The following ARX variants were observed in gnomAD, a reference collection of about 807,000 sequenced individuals.
ARX encodes the protein aristaless related homeobox.
Under a neutral mutation model 23.1 loss-of-function variants are expected in ARX, and 1 was observed. The ratio of observed to expected loss-of-function variants is 0.04; its 90% CI spans 0.02 to 0.21. The LOEUF is 0.21. Ranked by LOEUF, ARX falls within the 10% of genes least tolerant of loss-of-function variation. The pLI is 1.00. For missense variants in ARX, 380 were observed against 527.5 expected, an observed-to-expected ratio of 0.72 and a Z score of 2.74; for synonymous variants, 301 against 270.1, an observed-to-expected ratio of 1.11 and a Z score of -1.12.
In ARX at chrX:25,007,350, C is replaced by G. The variant is rs1380487514; in HGVS notation, c.1209G>C (p.Pro403=). 1 of 1,144,383 alleles carries G rather than the reference C, an allele frequency of 8.7e-7. No homozygotes were observed. Among genetic ancestry groups the G allele is most frequent in the Non-Finnish European group, 1.2e-6 (1 of 867,514 alleles). The allele number at this position is 1,144,383 out of a possible 1,213,427, so 94.3% of individuals were successfully genotyped here. ...GGCTGAGCGGGTGGGTGGCGGAGAG[C>G]GGCCCCGGGAAGGGCAGCCCAGGGG... is the stretch of plus-strand genomic sequence containing the variant. ...THPPGLPFPG[P]LSATHPLSPY... is the part of the protein sequence containing the mutation. Residue 403 remains proline (P), a synonymous_variant, in exon 4 of 5, where the codon CCG becomes CCC. Coordinates refer to ENST00000379044, the MANE Select transcript of ARX (RefSeq NM_139058.3).
Position 25,013,659 on chromosome X carries a change from TGCC to T in ARX, c.333_335del (p.Ala115del), listed in dbSNP as rs387906492. Reference sequence around the variant, plus strand: ...GACCCGCCGTGGCCGTGGCGGCCGCTGCCGCCGCCGCCGCCGCCGCCGCCGCCG... The same window carrying T: ...GACCCGCCGTGGCCGTGGCGGCCGCTGCCGCCGCCGCCGCCGCCGCCGCCG... On this transcript the variant is annotated inframe_deletion, in exon 2 of 5. Transcript: ENST00000379044. The T allele has an allele frequency of 9.2e-4, 696 of 760,402 alleles. No individual in the cohort carries two copies. Among genetic ancestry groups the T allele is most frequent in the Middle Eastern group, 2.9e-3 (4 of 1,359 alleles). The allele number at this position is 760,402 out of a possible 1,213,427, so 62.7% of individuals were successfully genotyped here.
Position 25,012,972 on chromosome X carries a change from C to T in ARX, c.1023G>A (p.Glu341=), listed in dbSNP as rs769831204. The T allele has an allele frequency of 2.5e-6, 3 of 1,204,815 alleles. No individual in the cohort carries two copies. Among genetic ancestry groups the T allele is most frequent in the Admixed American group, 2.2e-5 (1 of 45,635 alleles). The change falls in exon 2 of 5, where the codon GAG becomes GAA. Residue 341 remains glutamate (E), a synonymous_variant. Transcript: ENST00000379044. ...TCTTCTGGAAGGCCCGCTCCAGTTC[C>T]TCCAGCTGGTAGCTGGTGAACGTGG... ...YRTTFTSYQL[E]ELERAFQKTH... is the part of the protein sequence containing the mutation.
rs780812117 is a variant in ARX, at chrX:25,013,180, C to T, written c.815G>A (p.Gly272Asp). The change falls in exon 2 of 5, where the codon GGC becomes GAC. Residue 272 changes from glycine to aspartate, a missense_variant. This residue lies in a region of ARX where 235 missense variants were observed against 270.2 expected (regional missense o/e 0.87). Transcript: ENST00000379044. ...AGCGGCAGCTGCTGCGGCCACGGCG[C>T]CAGTGGCGGCCACAGGACAGCGCCG... ...EPRRCPVAAT[G>D]AVAAAAAAAV... 1 of 1,183,341 alleles carries T rather than the reference C, an allele frequency of 8.5e-7. No individual in the cohort carries two copies. Among genetic ancestry groups the T allele is most frequent in the Admixed American group, 2.3e-5 (1 of 43,314 alleles).
In ARX at chrX:25,004,496, G is replaced by A. The variant is rs1395861092; in HGVS notation, c.*174C>T. 3 of 875,023 alleles carry A rather than the reference G, an allele frequency of 3.4e-6. No homozygotes were observed. Among genetic ancestry groups the A allele is most frequent in the Admixed American group, 2.9e-5 (1 of 33,945 alleles). The allele number at this position is 875,023 out of a possible 1,213,427, so 72.1% of individuals were successfully genotyped here. ...GGACAGCCAGCCGAGGAGGTGCCAC[G>A]TCCCGGAGCGCCGAGGGCTGCCATG... On this transcript the variant is annotated 3_prime_UTR_variant, in exon 5 of 5. Transcript: ENST00000379044.
chrX:25,006,981 TAC>T lies in ARX; in HGVS notation c.1448+128_1448+129del, dbSNP rs1417347717. 34 of 812,551 alleles carry T rather than the reference TAC, an allele frequency of 4.2e-5. No individual in the cohort carries two copies. The African/African-American group carries it at 6.6e-4, about 16-fold the overall frequency. The allele number at this position is 812,551 out of a possible 1,213,427, so 67.0% of individuals were successfully genotyped here. A position where few individuals can be genotyped will look rare whatever the true frequency, so the allele number is the denominator to read the frequency against. ...TCAATTAGAGAGTATTTTCTTTGGC[TAC>T]AGTCTCTGAGGTTGGGTCAAAGAAA... is the stretch of plus-strand genomic sequence containing the variant. On this transcript the variant is annotated intron_variant, in intron 4 of 4. Coordinates refer to ENST00000379044, the MANE Select transcript of ARX (RefSeq NM_139058.3).
rs1009678018 is a variant in ARX, at chrX:25,004,417, G to T, written c.*253C>A. On this transcript the variant is annotated 3_prime_UTR_variant, in exon 5 of 5. Coordinates refer to ENST00000379044, the MANE Select transcript of ARX (RefSeq NM_139058.3). The stretch of plus-strand genomic sequence containing the variant: ...AGGAAAGTAAGAACAAGAGAGAGTG[G>T]ATGTTGGAGTTGGAGCGAGGTTGGC... 24 of 415,585 alleles carry T rather than the reference G, an allele frequency of 5.8e-5. No individual in the cohort carries two copies. Among genetic ancestry groups the T allele is most frequent in the Non-Finnish European group, 8.6e-5 (21 of 242,851 alleles). The allele number at this position is 415,585 out of a possible 1,213,427, so 34.2% of individuals were successfully genotyped here.
In ARX at chrX:25,015,927, G is replaced by C. The variant is rs2048725813; in HGVS notation, c.-190C>G. Reference sequence around the variant, plus strand: ...CCCGCCCTGCCCGCGGCCCGAGCTCGCCCTCTCCGCGCTCAGGACAAGCGG... The same window carrying C: ...CCCGCCCTGCCCGCGGCCCGAGCTCCCCCTCTCCGCGCTCAGGACAAGCGG... On this transcript the variant is annotated 5_prime_UTR_variant, in exon 1 of 5. Transcript: ENST00000379044. The C allele has an allele frequency of 6.3e-6, 3 of 479,597 alleles. No individual in the cohort carries two copies. Among genetic ancestry groups the C allele is most frequent in the Admixed American group, 6.3e-5 (2 of 31,788 alleles). 39.5% of individuals were successfully genotyped at this position (479,597 alleles called of 1,213,427 possible). A position where few individuals can be genotyped will look rare whatever the true frequency, so the allele number is the denominator to read the frequency against.
chrX:25,012,106 G>T (rs980076217), intron 2 of ARX, among the ~76,000 whole-genome samples: 7 of 112,688 alleles, frequency 6.2e-5, no homozygotes, highest in Non-Finnish European at 1.3e-4. Flanking sequence ...CGAACACCCG[G>T]CTTGGACACT....
Position 25,007,395 on chromosome X carries a change from C to T in ARX, c.1164G>A (p.Lys388=). ...NRRAKWRKRE[K]AGAQTHPPGL... is the part of the protein sequence containing the mutation. ...CAGGGGGGTGGGTCTGCGCGCCTGC[C>T]TTCTCCCGCTTGCGCCACTTGGCCC... Residue 388 remains lysine (K), a synonymous_variant, in exon 4 of 5, where the codon AAG becomes AAA. Transcript: ENST00000379044. The T allele has an allele frequency of 8.6e-7, 1 of 1,161,314 alleles. No homozygotes were observed. Among genetic ancestry groups the T allele is most frequent in the African/African-American group, 1.8e-5 (1 of 55,548 alleles).
chrX:25,013,555 G>A lies in ARX; in HGVS notation c.440C>T (p.Ala147Val), dbSNP rs1048593315. 1.3e-5 allele frequency: 10 copies of A among 777,847 alleles called. No individual in the cohort carries two copies. Among genetic ancestry groups the A allele is most frequent in the African/African-American group, 2.4e-5 (1 of 42,486 alleles). 64.1% of individuals were successfully genotyped at this position (777,847 alleles called of 1,213,427 possible). ...ERPDGAGAAA[A>V]AAAAAAAAWD... Reference sequence around the variant, plus strand: ...GGCCGCGGCGGCCGCGGCCGCGGCTGCCGCGGCGGCCCCTGCGCCGTCCGG... The same window carrying A: ...GGCCGCGGCGGCCGCGGCCGCGGCTACCGCGGCGGCCCCTGCGCCGTCCGG... The change falls in exon 2 of 5, where the codon GCA becomes GTA. Residue 147 changes from alanine (A) to valine (V), a missense_variant. By Grantham distance (64) the Ala-to-Val change is moderately conservative. Coordinates refer to ENST00000379044, the MANE Select transcript of ARX (RefSeq NM_139058.3).
Position 25,004,760 on chromosome X carries a change from G to T in ARX, c.1599C>A (p.Ala533=), listed in dbSNP as rs1057523196. Residue 533 remains alanine (A), a synonymous_variant, in exon 5 of 5, where the codon GCC becomes GCA. Coordinates refer to ENST00000379044, the MANE Select transcript of ARX (RefSeq NM_139058.3). ...AAADRRASSI[A]ALRLKAKEHA... ...GCTCCTTGGCCTTGAGCCTCAGCGC[G>T]GCTATGCTAGAGGCGCGTCTGTCTG... 1.7e-6 allele frequency: 2 copies of T among 1,168,999 alleles called. No individual in the cohort carries two copies. The highest frequency in any genetic ancestry group is 3.2e-5 in the East Asian group (1 of 31,141).
At chrX:25,011,260 T>C (rs760466704) in intron 2 of ARX, among the ~76,000 whole-genome samples, 34 of 111,231 alleles carry the variant, frequency 3.1e-4, no homozygotes, top group South Asian at 1.2e-3. Flanking sequence ...ATAAGTGCCC[T>C]CCGTTGCCGT....
chrX:25,013,614 C>T lies in ARX; in HGVS notation c.381G>A (p.Pro127=). 6 of 751,936 alleles carry T rather than the reference C, an allele frequency of 8.0e-6. No homozygotes were observed. Among genetic ancestry groups the T allele is most frequent in the Non-Finnish European group, 9.4e-6 (6 of 639,106 alleles). 62.0% of individuals were successfully genotyped at this position (751,936 alleles called of 1,213,427 possible). ...ATAGPRGEAP[P]PPPPTARPGE... ...CGGGCCGCGCGGTTGGCGGTGGCGG[C>T]GGAGGGGCCTCCCCGCGTGGACCCG... is the stretch of plus-strand genomic sequence containing the variant. Residue 127 remains proline (P), a synonymous_variant, in exon 2 of 5, where the codon CCG becomes CCA. Coordinates refer to ENST00000379044, the MANE Select transcript of ARX (RefSeq NM_139058.3).
chrX:25,011,993 G>A (rs1213366512), intron 2 of ARX, among the ~76,000 whole-genome samples: 1 of 112,403 alleles, frequency 8.9e-6, no homozygotes, highest in Non-Finnish European at 1.9e-5. Context: ...ATCCCTACCC[G>A]GGCCGGCGCC....
At chrX:25,013,898 C>T in intron 1 of ARX, 100 bp from the exon 2 acceptor site, 2 of 853,248 alleles carry the variant, frequency 2.3e-6, no homozygotes, top group Non-Finnish European at 2.9e-6. Context: ...AGTGCCTAGG[C>T]CCAGGCGTGC....
intron 3 of ARX, among the ~76,000 whole-genome samples, chrX:25,010,040 G>A (rs2048695287): frequency 2.7e-5 from 3 of 111,210 alleles, no homozygotes; most frequent in Non-Finnish European, 1.9e-5. Context: ...CCTTCCTTGG[G>A]CTCCCAAACC....
At chrX:25,004,966 G>A (rs2048671274) in intron 4 of ARX, 56 bp from the exon 5 acceptor site, 2 of 1,060,188 alleles carry the variant, frequency 1.9e-6, no homozygotes, top group South Asian at 2.7e-5. Context: ...GCGGCGCCTC[G>A]GGCAGCGTCT....
rs2048710036 is a variant in ARX at position 25,013,254 on chromosome X, G to C, written c.741C>G (p.Asp247Glu). ...EDEEEELLED[D>E]EEELLEDDAR... ...CGTCGTCCTCCAGCAGCTCCTCCTCGTCGTCCTCCAGCAGTTCCTCTTCCT... is the reference window on the plus strand; with the variant it reads ...CGTCGTCCTCCAGCAGCTCCTCCTCCTCGTCCTCCAGCAGTTCCTCTTCCT... The change falls in exon 2 of 5, where the codon GAC (aspartate) becomes GAG (glutamate). Residue 247 changes from aspartate to glutamate, a missense_variant. Asp to Glu is a conservative substitution (Grantham distance 45, BLOSUM62 2). Around this residue, in one of 3 missense-constraint regions of ARX, gnomAD observed 235 missense variants for 270.2 expected, o/e 0.87. Coordinates refer to ENST00000379044, the MANE Select transcript of ARX (RefSeq NM_139058.3). 2 of 1,155,191 alleles carry C rather than the reference G, an allele frequency of 1.7e-6. No homozygotes were observed. The highest frequency in any genetic ancestry group is 2.3e-6 in the Non-Finnish European group (2 of 868,807).
chrX:25,013,867 C>A, intron 1 of ARX, 69 bp from the exon 2 acceptor site: 1 of 875,200 alleles, frequency 1.1e-6, no homozygotes, highest in Non-Finnish European at 1.4e-6. Flanking sequence ...GCTGCCGGGG[C>A]CCGCCCGCAG....
Sources: gnomAD v4.1 joint callset for allele counts (sites outside exome capture counted in the v4.1 genomes callset) on GRCh38, gnomAD v4.1.1 for gene constraint, gnomAD v4.1.1 regional missense constraint, MANE v1.5 for transcripts, NCBI Gene and HGNC (gene_info 2026-07-23, HGNC 2026-07-21) for gene names.